DGKI: variants seen among roughly 807,000 people sequenced by gnomAD.
DGKI encodes the protein DAG kinase iota.
Under a neutral mutation model 147.5 loss-of-function variants are expected in DGKI, and 55 were observed. The observed-to-expected ratio is 0.37, with a 90% confidence interval of 0.30 to 0.47. DGKI has a LOEUF of 0.47. Among genes scored for constraint, DGKI ranks in the 20% least tolerant of loss-of-function variants. The pLI is 1.00. For missense variants in DGKI, 1,007 were observed against 1,323.8 expected (o/e 0.76, Z 3.71); for synonymous variants, 469 against 477.1 (o/e 0.98, Z 0.22).
intron 5 of DGKI, 95 bp downstream of exon 5, chr7:137,654,637 G>T (rs890240118): frequency 2.2e-6 from 2 of 928,578 alleles, no homozygotes; most frequent in South Asian, 1.4e-5. Flanking sequence ...GAAAGAGATA[G>T]AATTTATTTT....
At chr7:137,492,433 G>C (rs1026646962) in intron 21 of DGKI, among the ~76,000 whole-genome samples, 1 of 152,134 alleles carries the variant, frequency 6.6e-6, no homozygotes, top group African/African-American at 2.4e-5. Context: ...GGGTTTAAGG[G>C]GGAGGAAGCT....
intron 27 of DGKI, among the ~76,000 whole-genome samples, chr7:137,454,102 TA>T (rs1814087318): frequency 1.3e-5 from 2 of 152,254 alleles, no homozygotes; most frequent in Admixed American, 1.3e-4. Context: ...AATATATTCT[TA>T]AAAAATGCAC....
intron 6 of DGKI, among the ~76,000 whole-genome samples, chr7:137,642,033 A>T (rs1022327852): frequency 4.2e-5 from 4 of 94,684 alleles, no homozygotes; most frequent in Non-Finnish European, 4.8e-5. Context: ...TCTAGTGAAG[A>T]TCAGAGACAT....
chr7:137,830,195 A>G (rs995628731), intron 1 of DGKI, among the ~76,000 whole-genome samples: 4 of 152,242 alleles, frequency 2.6e-5, no homozygotes, highest in Admixed American at 6.5e-5. Flanking sequence ...TGGATATTCA[A>G]CTTTTGGAAT....
At chr7:137,461,974 G>T (rs953827990) in intron 27 of DGKI, among the ~76,000 whole-genome samples, 9 of 151,954 alleles carry the variant, frequency 5.9e-5, no homozygotes, top group Non-Finnish European at 1.3e-4. Flanking sequence ...TTCTTGGGAA[G>T]AATATTTACT....
chr7:137,819,066 T>C (rs1218840607), intron 1 of DGKI, among the ~76,000 whole-genome samples: 2 of 152,194 alleles, frequency 1.3e-5, no homozygotes, highest in Admixed American at 6.5e-5. Context: ...TTAAGTGCTT[T>C]AGCCATGGTC....
intron 13 of DGKI, 52 bp downstream of exon 13, chr7:137,587,045 G>A (rs1281524034): frequency 1.5e-6 from 2 of 1,307,498 alleles, no homozygotes; most frequent in African/African-American, 3.0e-5. Flanking sequence ...AGTGGATCTG[G>A]AATCCGGTTT....
chr7:137,499,641 G>T (rs933826333), intron 21 of DGKI, among the ~76,000 whole-genome samples: 41 of 152,102 alleles, frequency 2.7e-4, no homozygotes, highest in Non-Finnish European at 5.9e-5. Flanking sequence ...ACTTACACCA[G>T]TGATACCCAC....
chr7:137,753,536 TG>T (rs1427537798), intron 1 of DGKI, among the ~76,000 whole-genome samples: 1 of 151,812 alleles, frequency 6.6e-6, no homozygotes, highest in Non-Finnish European at 1.5e-5. Flanking sequence ...CGGAACAGAG[TG>T]GGAGCAGGAG....
chr7:137,544,666 A>C (rs1330759579), intron 20 of DGKI, among the ~76,000 whole-genome samples: 1 of 152,202 alleles, frequency 6.6e-6, no homozygotes. Context: ...TTCTATTTAG[A>C]CATGTATTCT....
rs781580130 is a variant in DGKI, at chr7:137,846,161, T to TCTCTCTCTCTCACACA, written c.401+300_401+301insTGTGTGAGAGAGAGAG. On this transcript the variant is annotated intron_variant, in intron 1 of 32. Transcript: ENST00000614521. This position sits in a 1 kb window ranked among gnomAD's most constrained non-coding sequence, Gnocchi z 4.0. ...CTCTCTCTCTCTCTCTCTCTCTCTC[T>TCTCTCTCTCTCACACA]CACACACACACACACACACACACAC... Among the ~76,000 whole-genome samples the TCTCTCTCTCTCACACA allele has an allele frequency of 4.8e-4, 52 of 108,216 alleles. No individual in the cohort carries two copies. Among genetic ancestry groups the TCTCTCTCTCTCACACA allele is most frequent in the East Asian group, 8.4e-4 (3 of 3,570 alleles). The allele number at this position is 108,216 out of a possible 152,430, so 71.0% of individuals were successfully genotyped here.
At chr7:137,545,934 G>A (rs1171213583) in intron 20 of DGKI, 13 of 702,596 alleles carry the variant, frequency 1.9e-5, no homozygotes, top group Non-Finnish European at 2.9e-5. Flanking sequence ...GACACTCGCC[G>A]CAGGTCCGCA....
chr7:137,485,285 T>TCCC, intron 23 of DGKI, 89 bp downstream of exon 23: 1 of 984,926 alleles, frequency 1.0e-6, no homozygotes, highest in Non-Finnish European at 1.6e-6. Flanking sequence ...AGGGAAGATG[T>TCCC]GAACTCTAAA....
intron 23 of DGKI, among the ~76,000 whole-genome samples, chr7:137,476,267 C>A (rs1815168509): frequency 6.6e-6 from 1 of 152,186 alleles, no homozygotes; most frequent in Non-Finnish European, 1.5e-5. Flanking sequence ...AAACACTAAT[C>A]CGGACAAGCT....
chr7:137,835,458 T>C (rs969979294), intron 1 of DGKI, among the ~76,000 whole-genome samples: 2 of 152,204 alleles, frequency 1.3e-5, no homozygotes, highest in Non-Finnish European at 2.9e-5. Flanking sequence ...GCAATTGCTA[T>C]AAAAATGAAA....
At chr7:137,585,659 G>C (rs986497688) in intron 13 of DGKI, among the ~76,000 whole-genome samples, 7 of 152,148 alleles carry the variant, frequency 4.6e-5, no homozygotes, top group Non-Finnish European at 1.0e-4. Flanking sequence ...TAAAAAACAG[G>C]ACTCCCCATG....
rs190608198 is a variant in DGKI, at chr7:137,766,601, T to G, written c.402-76599A>C. Among the ~76,000 whole-genome samples, 177 of 152,242 alleles carry G rather than the reference T, an allele frequency of 1.2e-3. 1 individual carries two copies. Among genetic ancestry groups the G allele is most frequent in the Admixed American group, 7.0e-3 (107 of 15,284 alleles). The stretch of plus-strand genomic sequence containing the variant: ...AGGAGGAATTGGAAGTGTCATGGAC[T>G]TCCTCCAGGGCAAAGAGAATCTTCC... On this transcript the variant is annotated intron_variant, in intron 1 of 32. Coordinates refer to ENST00000614521, the MANE Select transcript of DGKI (RefSeq NM_001321708.2).
chr7:137,561,116 T>A (rs191153248), intron 19 of DGKI, among the ~76,000 whole-genome samples: 93 of 150,546 alleles, frequency 6.2e-4, no homozygotes, highest in Non-Finnish European at 1.0e-3. Context: ...TGAAGAGACA[T>A]CTGTAACCCC....
At chr7:137,417,150 G>C (rs894583820) in intron 28 of DGKI, among the ~76,000 whole-genome samples, 1 of 152,170 alleles carries the variant, frequency 6.6e-6, no homozygotes, top group African/African-American at 2.4e-5. Flanking sequence ...TAAGCTCTGA[G>C]CTTGTCTTCT....
Sources: gnomAD v4.1 joint callset for allele counts (sites outside exome capture counted in the v4.1 genomes callset) on GRCh38, gnomAD v4.1.1 for gene constraint, Gnocchi (gnomAD v3.1) non-coding constraint, MANE v1.5 for transcripts, NCBI Gene and HGNC (gene_info 2026-07-23, HGNC 2026-07-21) for gene names.